Variants in PSG3 observed in about 807,000 individuals in gnomAD.
PSG3 encodes the protein pregnancy-specific beta-1-glycoprotein 3.
In PSG3, 61 loss-of-function variants were observed where a neutral mutation model predicts 47.5. The ratio of observed to expected loss-of-function variants is 1.28; its 90% CI spans 1.05 to 1.59. PSG3 has a LOEUF of 1.59. Ranked by LOEUF, PSG3 falls within the 40% of genes most tolerant of loss-of-function variation. The pLI is 0.00. For missense variants in PSG3, 756 were observed against 524.0 expected, an observed-to-expected ratio of 1.44 and a Z score of -4.32; for synonymous variants, 263 against 198.4, an observed-to-expected ratio of 1.33 and a Z score of -2.74.
At chr19:42,732,178 G>A (rs1374892714) in intron 3 of PSG3, 1 of 154,808 alleles carries the variant, frequency 6.5e-6, no homozygotes, top group Non-Finnish European at 1.4e-5. Context: ...CAGTGGCTGA[G>A]TTATGGATGA....
At chr19:42,723,318 C>T (rs56246734) in intron 6 of PSG3, among the ~76,000 whole-genome samples, 4 of 152,180 alleles carry the variant, frequency 2.6e-5, no homozygotes, top group East Asian at 1.9e-4. Context: ...ACTCTGTTTT[C>T]AGACATAGCA....
chr19:42,727,239 G>C (rs1002144383), intron 5 of PSG3, among the ~76,000 whole-genome samples: 5 of 152,050 alleles, frequency 3.3e-5, no homozygotes, highest in East Asian at 1.9e-4. Flanking sequence ...AAAAGCATAG[G>C]CAACAAATAA....
chr19:42,727,604 T>C (rs1245901550), intron 5 of PSG3, among the ~76,000 whole-genome samples: 6 of 151,898 alleles, frequency 4.0e-5, no homozygotes, highest in Non-Finnish European at 7.4e-5. Flanking sequence ...ACAACAACAA[T>C]GACAGCAACA....
At chr19:42,731,110 G>T (rs1193765424) in intron 3 of PSG3, among the ~76,000 whole-genome samples, 1 of 152,216 alleles carries the variant, frequency 6.6e-6, no homozygotes, top group African/African-American at 2.4e-5. Context: ...TGGGAGTGGG[G>T]AGAATCAGAA....
chr19:42,738,360 C>A (rs1173460468), intron 2 of PSG3, among the ~76,000 whole-genome samples: 1 of 152,180 alleles, frequency 6.6e-6, no homozygotes, highest in Non-Finnish European at 1.5e-5. Context: ...TAGGGCTGAG[C>A]TTCTCTGAGA....
chr19:42,727,655 C>A (rs1421102207), intron 5 of PSG3, among the ~76,000 whole-genome samples: 1 of 152,178 alleles, frequency 6.6e-6, no homozygotes, highest in Admixed American at 6.5e-5. Flanking sequence ...AAAATTGGAG[C>A]TCTAGTGCAT....
intron 4 of PSG3, 90 bp from the exon 5 acceptor site, chr19:42,729,467 C>G: frequency 1.3e-6 from 2 of 1,531,726 alleles, no homozygotes; most frequent in Non-Finnish European, 1.8e-6. Flanking sequence ...ACCCTCTGAG[C>G]CAAGACACAC....
intron 5 of PSG3, among the ~76,000 whole-genome samples, chr19:42,725,730 G>C (rs749014437): frequency 6.6e-6 from 1 of 151,794 alleles, no homozygotes; most frequent in Non-Finnish European, 1.5e-5. Context: ...TGCGCATGGT[G>C]ACATGCACCT....
At chr19:42,739,218 A>T in intron 1 of PSG3, 129 bp from the exon 2 acceptor site, 1 of 1,324,234 alleles carries the variant, frequency 7.6e-7, no homozygotes, top group South Asian at 1.4e-5. Flanking sequence ...ACATACAAAC[A>T]CACACACACA....
chr19:42,732,917 G>C lies in PSG3; in HGVS notation c.576C>G (p.Ser192Arg), dbSNP rs201386212. Residue 192 changes from serine to arginine, a missense_variant, in exon 3 of 7, where the codon AGC becomes AGG. By Grantham distance (110) the Ser-to-Arg change is moderately radical. Transcript: ENST00000327495. The stretch of plus-strand genomic sequence containing the variant: ...TCCTTTTGTTTTTGGACAACTGCAA[G>C]CTGTGAGTCATAGGGAGGCTCTGAC... Reference protein sequence around the residue: ...MNGQSLPMTHSLQLSKNKRTL... With the variant: ...MNGQSLPMTHRLQLSKNKRTL... The C allele has an allele frequency of 1.9e-4, 299 of 1,613,992 alleles. 1 individual carries two copies. The highest frequency in any genetic ancestry group is 1.8e-3 in the Middle Eastern group (11 of 6,082).
intron 6 of PSG3, among the ~76,000 whole-genome samples, chr19:42,723,226 G>A (rs1385654414): frequency 2.0e-5 from 3 of 152,208 alleles, no homozygotes; most frequent in Non-Finnish European, 4.4e-5. Flanking sequence ...TAATCCTAAA[G>A]TCTTAGTTCT....
chr19:42,735,330 T>TA (rs1486822587), intron 2 of PSG3, among the ~76,000 whole-genome samples: 1 of 152,196 alleles, frequency 6.6e-6, no homozygotes, highest in Non-Finnish European at 1.5e-5. Flanking sequence ...ATGTTCAGTC[T>TA]ACCAGTAAGT....
In PSG3 at chr19:42,738,897, C is replaced by T. The variant is rs998696166; in HGVS notation, c.257G>A (p.Gly86Asp). 6.2e-7 allele frequency: 1 copy of T among 1,614,022 alleles called. No individual in the cohort carries two copies. The highest frequency in any genetic ancestry group is 8.5e-7 in the Non-Finnish European group (1 of 1,179,992). Reference sequence around the variant, plus strand: ...TGCAGGCCCATATATAATTATTTGACCATCTACTACGTATGATGTAATGTA... The same window carrying T: ...TGCAGGCCCATATATAATTATTTGATCATCTACTACGTATGATGTAATGTA... ...YHYITSYVVD[G>D]QIIIYGPAYS... Residue 86 changes from glycine to aspartate, a missense_variant, in exon 2 of 7, where the codon GGT (glycine) becomes GAT (aspartate). Gly to Asp is a moderately conservative substitution (Grantham distance 94). Coordinates refer to ENST00000327495, the MANE Select transcript of PSG3 (RefSeq NM_021016.4).
chr19:42,727,632 T>A (rs989037605), intron 5 of PSG3, among the ~76,000 whole-genome samples: 8 of 152,184 alleles, frequency 5.3e-5, no homozygotes, highest in Non-Finnish European at 7.4e-5. Context: ...ACAGGTGTTT[T>A]CAAGTAGATG....
intron 3 of PSG3, among the ~76,000 whole-genome samples, chr19:42,731,150 T>G (rs911702698): frequency 1.2e-4 from 19 of 152,280 alleles, no homozygotes; most frequent in African/African-American, 2.4e-4. Context: ...TTTCAGTTAT[T>G]CAAGGTGGGG....
At chr19:42,725,331 C>T (rs1487908848) in intron 5 of PSG3, among the ~76,000 whole-genome samples, 7 of 151,924 alleles carry the variant, frequency 4.6e-5, no homozygotes, top group Non-Finnish European at 8.8e-5. Flanking sequence ...GATCTCAGGT[C>T]AACAACCTAC....
At position 42,730,042 on chromosome 19, in the gene PSG3, G is replaced by A. The variant is rs543335156; in HGVS notation, c.724C>T (p.Pro242Ser). The stretch of plus-strand genomic sequence containing the variant: ...TTTAAGTTGTTGATGGTGATGTAGG[G>A]CTTGGGCAGCTTCGCTGTGTGGATA... ...TLNLLPKLPK[P>S]YITINNLNPR... The change falls in exon 4 of 7, where the codon CCC becomes TCC. Residue 242 changes from proline to serine, a missense_variant. Coordinates refer to ENST00000327495, the MANE Select transcript of PSG3 (RefSeq NM_021016.4). 1 of 1,612,570 alleles carries A rather than the reference G, an allele frequency of 6.2e-7. No individual in the cohort carries two copies. The highest frequency in any genetic ancestry group is 8.5e-7 in the Non-Finnish European group (1 of 1,179,778).
chr19:42,729,961 A>G lies in PSG3; in HGVS notation c.805T>C (p.Tyr269His). The G allele has an allele frequency of 6.2e-7, 1 of 1,612,194 alleles. No homozygotes were observed. Among genetic ancestry groups the G allele is most frequent in the Non-Finnish European group, 8.5e-7 (1 of 1,179,854 alleles). ...AFTCEPKSEN[Y>H]TYIWWLNGQS... The stretch of plus-strand genomic sequence containing the variant: ...CCATTTAGCCACCAAATGTAGGTGT[A>G]GTTCTCACTCTTAGGTTCACAGGTG... The change falls in exon 4 of 7, where the codon TAC becomes CAC. Residue 269 changes from tyrosine to histidine, a missense_variant. Transcript: ENST00000327495.
chr19:42,736,434 A>G (rs1284421906), intron 2 of PSG3, among the ~76,000 whole-genome samples: 3 of 152,124 alleles, frequency 2.0e-5, no homozygotes, highest in Admixed American at 6.5e-5. Flanking sequence ...GCATGATTCC[A>G]TCACCAATCA....
Sources: gnomAD v4.1 joint callset for allele counts (sites outside exome capture counted in the v4.1 genomes callset) on GRCh38, gnomAD v4.1.1 for gene constraint, MANE v1.5 for transcripts, NCBI Gene and HGNC (gene_info 2026-07-23, HGNC 2026-07-21) for gene names.